The following GPC5 variants were observed in gnomAD, a reference collection of about 807,000 sequenced individuals.
GPC5 encodes glypican 5, also known as glypican-5.
GPC5 carries 47 observed loss-of-function variants against 53.9 expected under a neutral mutation model. The ratio of observed to expected loss-of-function variants is 0.87; its 90% confidence interval spans 0.69 to 1.11. GPC5 has a LOEUF of 1.11. Among genes scored for constraint, GPC5 ranks in the 50% most tolerant of loss-of-function variants. The pLI is 0.00. For missense variants in GPC5, 748 were observed against 713.1 expected (o/e 1.05, Z -0.56); for synonymous variants, 286 against 263.3 (o/e 1.09, Z -0.84).
chr13:92,038,284 T>C (rs547439050), intron 6 of GPC5, among the ~76,000 whole-genome samples: 4 of 151,810 alleles, frequency 2.6e-5, no homozygotes, highest in Non-Finnish European at 4.4e-5. Context: ...CATTTGTACA[T>C]TGAGGGAGAA....
At position 91,399,101 on chromosome 13, in the gene GPC5, G is replaced by A; in HGVS notation, c.55G>A (p.Val19Ile). 1 of 1,601,362 alleles carries A rather than the reference G, an allele frequency of 6.2e-7. No homozygotes were observed. The highest frequency in any genetic ancestry group is 2.3e-5 in the East Asian group (1 of 44,174). The change falls in exon 1 of 8, where the codon GTT (valine) becomes ATT (isoleucine). Residue 19 changes from valine (V) to isoleucine (I), a missense_variant. Transcript: ENST00000377067. ...TCGCTGCCTCCTCCTTCTGGCCCTG[G>A]TTGGGTCCGCCCGCAGCGAGGGCGT... ...GFRCLLLLAL[V>I]GSARSEGVQT...
chr13:92,370,408 A>G (rs2043640675), intron 7 of GPC5, among the ~76,000 whole-genome samples: 2 of 152,318 alleles, frequency 1.3e-5, no homozygotes, highest in South Asian at 2.1e-4. Context: ...GGGATAAGCA[A>G]GCCTATTATG....
chr13:92,543,888 T>A (rs1281131254), intron 7 of GPC5, among the ~76,000 whole-genome samples: 2 of 152,110 alleles, frequency 1.3e-5, no homozygotes, highest in Non-Finnish European at 2.9e-5. Flanking sequence ...TCATGTGTAG[T>A]TTAGGCACAA....
At position 92,381,900 on chromosome 13, in the gene GPC5, CATATATATGATATATATAATCAT is replaced by C. The variant is rs1376297393; in HGVS notation, c.1561+236918_1561+236940del. ...TATGATTATATATATTATATATAAT[CATATATATGATATATATAATCAT>C]ATATATGATTATATATGAAATAATA... On this transcript the variant is annotated intron_variant, in intron 7 of 7. Coordinates refer to ENST00000377067, the MANE Select transcript of GPC5 (RefSeq NM_004466.6). Among the ~76,000 whole-genome samples the C allele has an allele frequency of 5.6e-3, 622 of 111,590 alleles. 14 individuals are homozygous for C. Among genetic ancestry groups the C allele is most frequent in the Middle Eastern group, 9.9e-3 (2 of 202 alleles). The allele number at this position is 111,590 out of a possible 152,430, so 73.2% of individuals were successfully genotyped here.
intron 6 of GPC5, among the ~76,000 whole-genome samples, chr13:92,091,757 C>G (rs868848212): frequency 2.0e-5 from 3 of 147,376 alleles, no homozygotes; most frequent in South Asian, 2.2e-4. Flanking sequence ...TTCACCCCCC[C>G]ACAGTGAAAA....
chr13:92,475,608 G>A (rs1594233760), intron 7 of GPC5, among the ~76,000 whole-genome samples: 2 of 152,166 alleles, frequency 1.3e-5, no homozygotes, highest in East Asian at 1.9e-4. Context: ...TTTGGGCTGA[G>A]ACAAAGCACA....
rs150519668 is a variant in GPC5, at chr13:92,486,952, T to C, written c.1561+341963T>C. Among the ~76,000 whole-genome samples the C allele has an allele frequency of 2.0e-5, 3 of 152,176 alleles. No homozygotes were observed. The East Asian group carries it at 5.8e-4, about 30-fold the overall frequency. ...CTCACTGTAAATTCTGCCTTCTGGATTCAAGAGATTCTCCTGTCTCAGCCT... is the reference window on the plus strand; with the variant it reads ...CTCACTGTAAATTCTGCCTTCTGGACTCAAGAGATTCTCCTGTCTCAGCCT... On this transcript the variant is annotated intron_variant, in intron 7 of 7. Transcript: ENST00000377067.
At chr13:91,538,581 A>ATTT (rs11374916) in intron 2 of GPC5, among the ~76,000 whole-genome samples, 100 of 129,220 alleles carry the variant, frequency 7.7e-4, no homozygotes, top group African/African-American at 2.0e-3. Flanking sequence ...ATTGCAAATA[A>ATTT]TTTTTTTTTT....
chr13:91,840,595 C>T (rs1225796535), intron 5 of GPC5, among the ~76,000 whole-genome samples: 1 of 151,692 alleles, frequency 6.6e-6, no homozygotes, highest in East Asian at 1.9e-4. Context: ...TGTTTGTTCC[C>T]CTCCCCTGCA....
chr13:91,930,325 A>G (rs1267854584), intron 6 of GPC5, among the ~76,000 whole-genome samples: 4 of 152,100 alleles, frequency 2.6e-5, no homozygotes, highest in African/African-American at 9.7e-5. Flanking sequence ...GAAAGGAATA[A>G]AGAAAAAACA....
At chr13:91,944,624 T>C (rs549604755) in intron 6 of GPC5, among the ~76,000 whole-genome samples, 2 of 152,220 alleles carry the variant, frequency 1.3e-5, no homozygotes, top group African/African-American at 2.4e-5. Flanking sequence ...TTACATTTTC[T>C]ATACCATATA....
intron 7 of GPC5, among the ~76,000 whole-genome samples, chr13:92,833,824 A>T (rs1204646798): frequency 6.6e-6 from 1 of 152,216 alleles, no homozygotes; most frequent in East Asian, 1.9e-4. Flanking sequence ...ATGTGACTAT[A>T]AAGCTTTAAC....
At chr13:91,868,467 A>C (rs1044739875) in intron 5 of GPC5, among the ~76,000 whole-genome samples, 2 of 152,196 alleles carry the variant, frequency 1.3e-5, no homozygotes, top group Admixed American at 1.3e-4. Context: ...AACACTGGGA[A>C]GTCAAGATAG....
At chr13:91,682,557 C>T (rs909680913) in intron 2 of GPC5, among the ~76,000 whole-genome samples, 1 of 152,128 alleles carries the variant, frequency 6.6e-6, no homozygotes, top group African/African-American at 2.4e-5. Context: ...GAACCAAACC[C>T]TATCAGAATG....
At chr13:91,875,993 T>A (rs574223413) in intron 5 of GPC5, among the ~76,000 whole-genome samples, 1 of 152,340 alleles carries the variant, frequency 6.6e-6, no homozygotes, top group East Asian at 1.9e-4. Context: ...GGGGAGTCTT[T>A]CCTGTGCTAT....
At chr13:91,530,575 T>C (rs1177423003) in intron 2 of GPC5, among the ~76,000 whole-genome samples, 1 of 152,198 alleles carries the variant, frequency 6.6e-6, no homozygotes, top group African/African-American at 2.4e-5. Context: ...CTTTAGCTTT[T>C]TCCACCACTC....
rs115815816 is a variant in GPC5, at chr13:92,032,786, C to T, written c.1402-112044C>T. On this transcript the variant is annotated intron_variant, in intron 6 of 7. Transcript: ENST00000377067. ...TCCTTAACATGGCCAAGGAGGCCCACATTGTCTGTTTCTCTCAAGCTTCAG... is the reference window on the plus strand; with the variant it reads ...TCCTTAACATGGCCAAGGAGGCCCATATTGTCTGTTTCTCTCAAGCTTCAG... Among the ~76,000 whole-genome samples, 170 of 152,296 alleles carry T rather than the reference C, an allele frequency of 1.1e-3. 1 individual carries two copies. The highest frequency in any genetic ancestry group is 3.4e-3 in the African/African-American group (140 of 41,564).
At chr13:92,648,891 T>C (rs982192738) in intron 7 of GPC5, among the ~76,000 whole-genome samples, 4 of 152,114 alleles carry the variant, frequency 2.6e-5, no homozygotes, top group African/African-American at 9.7e-5. Context: ...CAGCATTACA[T>C]GTGAGCTTCC....
intron 6 of GPC5, among the ~76,000 whole-genome samples, chr13:92,059,321 G>T (rs1421274144): frequency 6.6e-6 from 1 of 151,436 alleles, no homozygotes; most frequent in Non-Finnish European, 1.5e-5. Context: ...TAAACAAAAA[G>T]ATTCAGAGTC....
Sources: gnomAD v4.1 joint callset for allele counts (sites outside exome capture counted in the v4.1 genomes callset) on GRCh38, gnomAD v4.1.1 for gene constraint, MANE v1.5 for transcripts, NCBI Gene and HGNC (gene_info 2026-07-23, HGNC 2026-07-21) for gene names.